Variants in PIK3R1 observed in about 807,000 individuals in gnomAD.
PIK3R1 encodes the protein phosphoinositide-3-kinase regulatory subunit 1, also known as phosphatidylinositol 3-kinase regulatory subunit alpha.
A neutral mutation model predicts 98.0 loss-of-function variants in PIK3R1; 29 were observed. That is an observed-to-expected ratio of 0.30 (90% CI 0.22 to 0.40). The LOEUF is 0.40. Among genes scored for constraint, PIK3R1 ranks in the 10% least tolerant of loss-of-function variants. The probability of loss-of-function intolerance (pLI) is 1.00; values close to 1 mark genes in which losing one functional copy is unlikely to be tolerated. For synonymous variants in PIK3R1, 282 were observed against 311.8 expected (o/e 0.90, Z 1.01); for missense variants, 596 against 872.7 (o/e 0.68, Z 3.99).
At chr5:68,280,201 C>G in intron 5 of PIK3R1, 1 of 374,042 alleles carries the variant, frequency 2.7e-6, no homozygotes, top group Non-Finnish European at 4.8e-6. Context: ...AAGTTAAAAC[C>G]TGTGATACTT....
intron 2 of PIK3R1, among the ~76,000 whole-genome samples, chr5:68,230,143 A>G (rs1330486668): frequency 6.6e-6 from 1 of 151,730 alleles, no homozygotes; most frequent in Non-Finnish European, 1.5e-5. Flanking sequence ...TGACTGACCC[A>G]CTCTCACTTC....
chr5:68,290,366 G>T (rs985056589), intron 7 of PIK3R1, among the ~76,000 whole-genome samples: 15 of 152,198 alleles, frequency 9.9e-5, no homozygotes. Flanking sequence ...ATCAGCTTTT[G>T]TCAACCTGCC....
intron 2 of PIK3R1, among the ~76,000 whole-genome samples, chr5:68,263,179 A>G (rs1745966781): frequency 6.9e-6 from 1 of 144,420 alleles, no homozygotes; most frequent in Non-Finnish European, 1.5e-5. Flanking sequence ...ATATATCTAT[A>G]TATACATATA....
At chr5:68,276,474 G>T (rs573637016) in intron 4 of PIK3R1, among the ~76,000 whole-genome samples, 1 of 152,174 alleles carries the variant, frequency 6.6e-6, no homozygotes, top group Non-Finnish European at 1.5e-5. Flanking sequence ...GGAGTGAAGG[G>T]TTGGAGAGTT....
intron 7 of PIK3R1, among the ~76,000 whole-genome samples, chr5:68,283,801 G>A (rs1746956207): frequency 6.6e-6 from 1 of 152,186 alleles, no homozygotes; most frequent in Non-Finnish European, 1.5e-5. Flanking sequence ...CTACACTCCA[G>A]CCCATTCTAT....
chr5:68,288,861 G>A (rs998253659), intron 7 of PIK3R1: 8 of 1,101,516 alleles, frequency 7.3e-6, no homozygotes, highest in Non-Finnish European at 1.1e-5. Flanking sequence ...GCGCTGCCTG[G>A]GGAGGACAGA....
In PIK3R1 at chr5:68,234,667, C is replaced by T. The variant is rs140358324; in HGVS notation, c.334+7658C>T. ...AGTATCTGTGCAGTAGCGCTAAACT[C>T]GTTGACATGATCTGTACTGAGAGTT... On this transcript the variant is annotated intron_variant, in intron 2 of 15. Transcript: ENST00000521381. Among the ~76,000 whole-genome samples the T allele has an allele frequency of 3.4e-3, 517 of 152,274 alleles. 2 individuals carry two copies. Among genetic ancestry groups the T allele is most frequent in the Non-Finnish European group, 4.9e-3 (332 of 68,006 alleles).
At chr5:68,292,449 A>C in intron 8 of PIK3R1, 88 bp downstream of exon 8, 93 of 1,440,244 alleles carry the variant, frequency 6.5e-5, no homozygotes, top group East Asian at 3.0e-4. Flanking sequence ...TTAGGATATC[A>C]TCCAACATAA....
chr5:68,293,364 G>GAC lies in PIK3R1; in HGVS notation c.1181_1182dup (p.Pro395ThrfsTer3). ...TCGAGATGGGAAATATGGCTTCTCT[G>GAC]ACCCATTAACCTTCAGTTCTGTGGT... On this transcript the variant is annotated frameshift_variant, in exon 10 of 16. Coordinates refer to ENST00000521381, the MANE Select transcript of PIK3R1 (RefSeq NM_181523.3). LOFTEE classifies it high-confidence loss of function. 1 of 1,613,370 alleles carries GAC rather than the reference G, an allele frequency of 6.2e-7. No individual in the cohort carries two copies. The highest frequency in any genetic ancestry group is 8.5e-7 in the Non-Finnish European group (1 of 1,179,488).
intron 2 of PIK3R1, among the ~76,000 whole-genome samples, chr5:68,229,224 A>G (rs1032981475): frequency 2.0e-5 from 3 of 152,208 alleles, no homozygotes; most frequent in African/African-American, 7.2e-5. Context: ...TGAAGCGAGA[A>G]TTCAATAGCT....
At chr5:68,288,631 G>A (rs2112227824) in intron 7 of PIK3R1, 6 of 1,593,882 alleles carry the variant, frequency 3.8e-6, no homozygotes, top group Non-Finnish European at 5.1e-6. Flanking sequence ...CCGGGAACAG[G>A]CTGGGGGGAG....
At chr5:68,224,457 T>G (rs1744205905) in intron 1 of PIK3R1, among the ~76,000 whole-genome samples, 1 of 152,198 alleles carries the variant, frequency 6.6e-6, no homozygotes, top group Non-Finnish European at 1.5e-5. Context: ...AGTGTTTGTT[T>G]TTGCTTCTTT....
intron 2 of PIK3R1, among the ~76,000 whole-genome samples, chr5:68,266,461 A>T (rs1746127067): frequency 6.6e-6 from 1 of 152,162 alleles, no homozygotes; most frequent in African/African-American, 2.4e-5. Context: ...AGTAGTTCAT[A>T]ATGAGAGGGA....
At chr5:68,219,215 G>C (rs946674151) in intron 1 of PIK3R1, among the ~76,000 whole-genome samples, 2 of 152,202 alleles carry the variant, frequency 1.3e-5, no homozygotes, top group African/African-American at 4.8e-5. Context: ...AATGTCTACT[G>C]TAGAAACATC....
chr5:68,286,785 G>GC (rs1747096728), intron 7 of PIK3R1, among the ~76,000 whole-genome samples: 1 of 152,180 alleles, frequency 6.6e-6, no homozygotes, highest in Non-Finnish European at 1.5e-5. Context: ...AATCTTAGAA[G>GC]GTTTTGACAT....
At position 68,297,824 on chromosome 5, in the gene PIK3R1, CTTTTTCTT is replaced by C. The variant is rs1747814983; in HGVS notation, c.*233_*240del. On this transcript the variant is annotated 3_prime_UTR_variant, in exon 16 of 16. Coordinates refer to ENST00000521381, the MANE Select transcript of PIK3R1 (RefSeq NM_181523.3). ...TCCTAAGCTGGAGTGCTTATCCCTT[CTTTTTCTT>C]TTTTTCTTTGGTTTAATTTAAAGCC... The C allele has an allele frequency of 7.9e-6, 3 of 379,096 alleles. No homozygotes were observed. Among genetic ancestry groups the C allele is most frequent in the South Asian group, 1.0e-4 (1 of 9,842 alleles). The allele number at this position is 379,096 out of a possible 1,614,324, so 23.5% of individuals were successfully genotyped here.
chr5:68,262,863 G>A (rs144029998), intron 2 of PIK3R1, among the ~76,000 whole-genome samples: 7 of 35,230 alleles, frequency 2.0e-4, no homozygotes, highest in South Asian at 8.8e-4. Flanking sequence ...GTAGATACAT[G>A]TATACATGTA....
intron 2 of PIK3R1, among the ~76,000 whole-genome samples, chr5:68,249,570 TAACTA>T (rs1210339180): frequency 1.3e-5 from 2 of 152,228 alleles, no homozygotes; most frequent in African/African-American, 4.8e-5. Flanking sequence ...TTGGACTTCT[TAACTA>T]AACTATTTCT....
intron 1 of PIK3R1, among the ~76,000 whole-genome samples, 191 bp downstream of exon 1, chr5:68,216,140 C>T (rs943446159): frequency 2.6e-5 from 4 of 151,922 alleles, no homozygotes; most frequent in African/African-American, 7.2e-5. Flanking sequence ...GCAGCACTAC[C>T]CCCGCGCGCG....
Sources: allele counts gnomAD v4.1 joint callset (sites outside exome capture counted in the v4.1 genomes callset), GRCh38; gene constraint gnomAD v4.1.1; transcripts MANE v1.5; gene names NCBI Gene and HGNC (gene_info 2026-07-23, HGNC 2026-07-21).